The following ADAMTS9 variants were observed in gnomAD, a reference collection of about 807,000 sequenced individuals.
ADAMTS9 encodes the protein A disintegrin and metalloproteinase with thrombospondin motifs 9.
ADAMTS9 carries 107 observed loss-of-function variants against 257.1 expected under a neutral mutation model. The ratio of observed to expected loss-of-function variants is 0.42; its 90% CI spans 0.36 to 0.49. ADAMTS9 has a LOEUF of 0.49. Among genes scored for constraint, ADAMTS9 ranks in the 20% least tolerant of loss-of-function variants. ADAMTS9 has a pLI of 0.03. For missense variants in ADAMTS9, 2,353 were observed against 2,469.1 expected (o/e 0.95, Z 1.00); for synonymous variants, 982 against 880.9 (o/e 1.11, Z -2.03).
At chr3:64,594,041 G>A (rs752116272) in intron 28 of ADAMTS9, among the ~76,000 whole-genome samples, 1 of 150,632 alleles carries the variant, frequency 6.6e-6, no homozygotes. Flanking sequence ...TTGGCACCAG[G>A]TCCTGTATGA....
At position 64,561,826 on chromosome 3, in the gene ADAMTS9, C is replaced by T. The variant is rs80265358; in HGVS notation, c.4525-75G>A. On this transcript the variant is annotated intron_variant, in intron 29 of 39. Transcript: ENST00000498707. ...GGGGGGCGGGGGGTGTCGAGGGTCA[C>T]AGAGGAGGGGAATGCACTCCTAATC... 2.8e-3 allele frequency: 3,823 copies of T among 1,362,838 alleles called. 114 individuals are homozygous for T. The African/African-American group carries it at 0.05, about 18-fold the overall frequency. 84.4% of individuals were successfully genotyped at this position (1,362,838 alleles called of 1,614,324 possible).
intron 29 of ADAMTS9, 71 bp from the exon 30 acceptor site, chr3:64,561,822 G>T (rs2083431672): frequency 1.4e-6 from 2 of 1,396,906 alleles, no homozygotes; most frequent in Admixed American, 3.8e-5. Context: ...GGTGTCGAGG[G>T]TCACAGAGGA....
chr3:64,645,080 A>G (rs1700752947), intron 11 of ADAMTS9, among the ~76,000 whole-genome samples: 1 of 152,244 alleles, frequency 6.6e-6, no homozygotes, highest in Admixed American at 6.5e-5. Context: ...ATGCACCAAG[A>G]TAATCTATTT....
intron 3 of ADAMTS9, among the ~76,000 whole-genome samples, chr3:64,660,454 A>C (rs192848388): frequency 9.5e-4 from 145 of 152,262 alleles, no homozygotes; most frequent in African/African-American, 3.4e-3. Context: ...AGTTACCTGC[A>C]GTCACCTCAG....
chr3:64,543,091 C>T (rs181060398), intron 32 of ADAMTS9, among the ~76,000 whole-genome samples: 1 of 152,238 alleles, frequency 6.6e-6, no homozygotes, highest in Admixed American at 6.5e-5. Context: ...CTGAATAGAC[C>T]AATAACAGGC....
chr3:64,642,024 ACTTG>A, intron 11 of ADAMTS9, 31 bp from the exon 12 acceptor site: 2 of 1,612,194 alleles, frequency 1.2e-6, no homozygotes, highest in Non-Finnish European at 1.7e-6. Context: ...AGTGAGGGAG[ACTTG>A]GCGCTGTGAG....
At chr3:64,593,961 ATGTG>A (rs200112357) in intron 28 of ADAMTS9, among the ~76,000 whole-genome samples, 1,231 of 108,274 alleles carry the variant, frequency 0.011, 14 homozygotes, top group East Asian at 0.092. Flanking sequence ...TGTGTGTATG[ATGTG>A]TGTGTGTGTG....
intron 25 of ADAMTS9, among the ~76,000 whole-genome samples, chr3:64,603,069 T>G (rs1055273965): frequency 6.6e-6 from 1 of 152,092 alleles, no homozygotes; most frequent in Non-Finnish European, 1.5e-5. Context: ...ATTTATTGAG[T>G]AGTACTTTCT....
intron 38 of ADAMTS9, 46 bp downstream of exon 38, chr3:64,533,116 CGAAA>C: frequency 6.6e-7 from 1 of 1,519,646 alleles, no homozygotes; most frequent in Non-Finnish European, 9.1e-7. Flanking sequence ...AAGACAAGAA[CGAAA>C]GAAAGAAATA....
intron 38 of ADAMTS9, among the ~76,000 whole-genome samples, chr3:64,530,774 A>G (rs765999876): frequency 1.3e-5 from 2 of 152,010 alleles, no homozygotes; most frequent in Non-Finnish European, 2.9e-5. Flanking sequence ...TTATTTATTT[A>G]TTTACTTATT....
In ADAMTS9 at chr3:64,681,336, C is replaced by T; in HGVS notation, c.544G>A (p.Asp182Asn). The T allele has an allele frequency of 6.2e-7, 1 of 1,612,812 alleles. No homozygotes were observed. Among genetic ancestry groups the T allele is most frequent in the Middle Eastern group, 1.7e-4 (1 of 6,058 alleles). The change falls in exon 3 of 40, where the codon GAT becomes AAT. Residue 182 changes from aspartate to asparagine, a missense_variant. Around this residue, in one of 3 missense-constraint regions of ADAMTS9, gnomAD observed 591 missense variants for 569.6 expected, o/e 1.04. Transcript: ENST00000498707. ...GACTGTAGTGGTTCAATAAAATAAT[C>T]CCCATCATGAGACCGGAATGTGCCC... ...MLGTFRSHDG[D>N]YFIEPLQSMD...
At chr3:64,642,776 C>T (rs555889650) in intron 11 of ADAMTS9, among the ~76,000 whole-genome samples, 197 of 152,276 alleles carry the variant, frequency 1.3e-3, no homozygotes, top group Admixed American at 3.0e-3. Flanking sequence ...AGGAGGGTGA[C>T]GCCCCGCGGC....
intron 4 of ADAMTS9, among the ~76,000 whole-genome samples, chr3:64,658,009 G>A (rs1435630533): frequency 6.6e-6 from 1 of 152,116 alleles, no homozygotes. Flanking sequence ...AAGTTCCACA[G>A]GTGACTATGG....
At chr3:64,532,217 A>G (rs2082991364) in intron 38 of ADAMTS9, among the ~76,000 whole-genome samples, 1 of 152,230 alleles carries the variant, frequency 6.6e-6, no homozygotes. Context: ...TCATTAAGTC[A>G]AGAATGCATT....
At position 64,615,989 on chromosome 3, in the gene ADAMTS9, C is replaced by A. The variant is rs186193706; in HGVS notation, c.2995G>T (p.Gly999Cys). 6.8e-6 allele frequency: 11 copies of A among 1,613,630 alleles called. No homozygotes were observed. The highest frequency in any genetic ancestry group is 8.5e-6 in the Non-Finnish European group (10 of 1,179,964). The change falls in exon 20 of 40, where the codon GGT (glycine) becomes TGT (cysteine). Residue 999 changes from glycine (G) to cysteine (C), a missense_variant. Transcript: ENST00000498707. ...GTCCAGGCAGAATAGCGCCAGCCAC[C>A]CGTGTTACATTCCCCTGAGCATTTT... ...REKCSGECNT[G>C]GWRYSAWTEC...
rs1463603179 is a variant in ADAMTS9 at position 64,593,960 on chromosome 3, GATGT to G, written c.4356+294_4356+297del. The stretch of plus-strand genomic sequence containing the variant: ...AATCACTATGTATGTGTGTGTGTAT[GATGT>G]GTGTGTGTGTGTGTGTGTGTGTGTG... On this transcript the variant is annotated intron_variant, in intron 28 of 39. Transcript: ENST00000498707. Among the ~76,000 whole-genome samples, 168 of 69,390 alleles carry G rather than the reference GATGT, an allele frequency of 2.4e-3. 1 individual carries two copies. Among genetic ancestry groups the G allele is most frequent in the African/African-American group, 7.9e-3 (157 of 19,996 alleles). 45.5% of individuals were successfully genotyped at this position (69,390 alleles called of 152,430 possible).
chr3:64,568,282 G>T (rs925747971), intron 29 of ADAMTS9, 86 bp downstream of exon 29: 22 of 1,463,302 alleles, frequency 1.5e-5, no homozygotes, highest in Non-Finnish European at 1.9e-5. Context: ...AACCAAAACC[G>T]TGCATAGAAA....
At position 64,541,822 on chromosome 3, in the gene ADAMTS9, C is replaced by T. The variant is rs757550637; in HGVS notation, c.5197+16G>A. On this transcript the variant is annotated intron_variant, in intron 33 of 39. Coordinates refer to ENST00000498707, the MANE Select transcript of ADAMTS9 (RefSeq NM_182920.2). The stretch of plus-strand genomic sequence containing the variant: ...TCTTCATGCTAAAGAAAGATAACTT[C>T]AGTTGGCCAACTTACAGTTATAGAC... The T allele has an allele frequency of 2.5e-6, 4 of 1,613,946 alleles. No individual in the cohort carries two copies. The Admixed American group carries it at 5.0e-5, about 20-fold the overall frequency.
In ADAMTS9 at chr3:64,516,145, A is replaced by G. The variant is rs2082772488; in HGVS notation, c.*982T>C. The G allele has an allele frequency of 6.6e-6, 1 of 152,256 alleles. No homozygotes were observed. The highest frequency in any genetic ancestry group is 1.5e-5 in the Non-Finnish European group (1 of 68,024). The allele number at this position is 152,256 out of a possible 1,614,324, so 9.4% of individuals were successfully genotyped here. ...TCAGAACCTGGTTCTGAATTTCTCCAGGTGTGCTCGTGAGCTGAAGGTCAT... is the reference window on the plus strand; with the variant it reads ...TCAGAACCTGGTTCTGAATTTCTCCGGGTGTGCTCGTGAGCTGAAGGTCAT... On this transcript the variant is annotated 3_prime_UTR_variant, in exon 40 of 40. Transcript: ENST00000498707.
Sources: allele counts gnomAD v4.1 joint callset (sites outside exome capture counted in the v4.1 genomes callset), GRCh38; gene constraint gnomAD v4.1.1; regional missense constraint gnomAD v4.1.1; transcripts MANE v1.5; gene names NCBI Gene and HGNC (gene_info 2026-07-23, HGNC 2026-07-21).